The following SKAP2 variants were observed in gnomAD, a reference collection of about 807,000 sequenced individuals.
The protein encoded by SKAP2 is src kinase associated phosphoprotein 2.
SKAP2 carries 28 observed loss-of-function variants against 54.9 expected under a neutral mutation model. The ratio of observed to expected loss-of-function variants is 0.51; its 90% CI spans 0.38 to 0.70. The LOEUF (loss-of-function observed/expected upper bound fraction) is 0.70, where lower values mean the gene tolerates loss of function less well. SKAP2 is among the 30% of genes least tolerant of loss of function. The pLI is 0.00. For synonymous variants in SKAP2, 137 were observed against 134.3 expected (o/e 1.02, Z -0.14); for missense variants, 356 against 424.1 (o/e 0.84, Z 1.41).
At chr7:26,664,629 T>C (rs184738390), downstream of SKAP2, among the ~76,000 whole-genome samples, 1 of 151,910 alleles carries the variant, frequency 6.6e-6, no homozygotes, top group Non-Finnish European at 1.5e-5. Context: ...AGGAGTGATA[T>C]TTTTATATTA....
chr7:26,802,956 A>G (rs1045571906), intron 4 of SKAP2, among the ~76,000 whole-genome samples: 1 of 152,170 alleles, frequency 6.6e-6, no homozygotes, highest in Admixed American at 6.5e-5. Flanking sequence ...CTCACCATAT[A>G]CAAAAATCAA....
At chr7:26,773,567 A>G (rs929109609) in intron 4 of SKAP2, among the ~76,000 whole-genome samples, 1 of 152,216 alleles carries the variant, frequency 6.6e-6, no homozygotes, top group African/African-American at 2.4e-5. Flanking sequence ...TTCTTCTCCA[A>G]CTAAACCTCC....
intron 4 of SKAP2, among the ~76,000 whole-genome samples, chr7:26,770,427 G>A (rs1783164014): frequency 6.6e-6 from 1 of 152,106 alleles, no homozygotes; most frequent in Non-Finnish European, 1.5e-5. Context: ...AGACTACTTG[G>A]CTCCCTGGCT....
intron 4 of SKAP2, among the ~76,000 whole-genome samples, chr7:26,743,390 A>T (rs1317652136): frequency 6.6e-6 from 1 of 152,190 alleles, no homozygotes; most frequent in African/African-American, 2.4e-5. Flanking sequence ...TCAGAAATGA[A>T]ATACAGGAAA....
intron 6 of SKAP2, 74 bp downstream of exon 6, chr7:26,738,721 A>T: frequency 1.3e-6 from 1 of 780,708 alleles, no homozygotes; most frequent in Non-Finnish European, 2.3e-6. Context: ...TTTACTCTGT[A>T]CTCAAAAGAG....
At chr7:26,824,748 T>C (rs1037739136) in intron 4 of SKAP2, among the ~76,000 whole-genome samples, 4 of 152,192 alleles carry the variant, frequency 2.6e-5, no homozygotes, top group Non-Finnish European at 5.9e-5. Flanking sequence ...AGACAATATG[T>C]AAACAAATAC....
At chr7:26,713,884 C>G (rs993014484) in intron 9 of SKAP2, among the ~76,000 whole-genome samples, 1 of 152,164 alleles carries the variant, frequency 6.6e-6, no homozygotes, top group Non-Finnish European at 1.5e-5. Context: ...CAGGCATGAG[C>G]CATCGCGCCC....
intron 4 of SKAP2, among the ~76,000 whole-genome samples, chr7:26,809,752 G>A (rs952757142): frequency 1.3e-5 from 2 of 152,118 alleles, no homozygotes; most frequent in Non-Finnish European, 2.9e-5. Flanking sequence ...TCCCACTTCT[G>A]GGAATATATC....
intron 9 of SKAP2, among the ~76,000 whole-genome samples, chr7:26,696,594 C>T (rs1786899970): frequency 1.3e-5 from 2 of 152,138 alleles, no homozygotes; most frequent in South Asian, 4.1e-4. Context: ...ATTAATTAAG[C>T]AACCAGAAAG....
chr7:26,703,054 T>C (rs1402999147), intron 9 of SKAP2, among the ~76,000 whole-genome samples: 2 of 152,234 alleles, frequency 1.3e-5, no homozygotes, highest in East Asian at 1.9e-4. Flanking sequence ...GGTGCATTTC[T>C]AACAAGTTTC....
intron 4 of SKAP2, among the ~76,000 whole-genome samples, chr7:26,810,592 C>T (rs1342680838): frequency 6.6e-6 from 1 of 152,134 alleles, no homozygotes; most frequent in Non-Finnish European, 1.5e-5. Context: ...CATGAGGTAA[C>T]ACTTGAGCTA....
intron 4 of SKAP2, among the ~76,000 whole-genome samples, chr7:26,832,430 A>G (rs535250888): frequency 7.0e-4 from 107 of 152,328 alleles, no homozygotes; most frequent in African/African-American, 2.5e-3. Context: ...AAAAAGTTTT[A>G]GGATACAGCA....
At chr7:26,756,232 G>T (rs10232327) in intron 4 of SKAP2, among the ~76,000 whole-genome samples, 7,361 of 152,138 alleles carry the variant, frequency 0.048, 602 homozygotes, top group African/African-American at 0.17. Context: ...CAACGTGCAG[G>T]TTTGTTACAT....
In SKAP2 at chr7:26,864,401, G is replaced by C; in HGVS notation, c.29C>G (p.Pro10Arg). 1 of 1,612,382 alleles carries C rather than the reference G, an allele frequency of 6.2e-7. No homozygotes were observed. Among genetic ancestry groups the C allele is most frequent in the African/African-American group, 1.3e-5 (1 of 74,898 alleles). The change falls in exon 1 of 13, where the codon CCC becomes CGC. Residue 10 changes from proline to arginine, a missense_variant. Physicochemically the swap from Pro to Arg is moderately radical, Grantham distance 103 (BLOSUM62 -2). Transcript: ENST00000345317. Reference protein sequence around the residue: MPNPSSTSSPYPLPEEIRNL... With the variant: MPNPSSTSSRYPLPEEIRNL... ...CCTAATTTCCTCAGGGAGGGGGTAG[G>C]GAGAGGAGGTGCTGCTGGGGTTGGG...
chr7:26,686,271 T>C (rs1388839267), intron 10 of SKAP2, among the ~76,000 whole-genome samples: 1 of 152,068 alleles, frequency 6.6e-6, no homozygotes, highest in Non-Finnish European at 1.5e-5. Flanking sequence ...TACAACCTAG[T>C]AAAATCCCTC....
intron 4 of SKAP2, among the ~76,000 whole-genome samples, chr7:26,836,406 A>T (rs1784713023): frequency 6.6e-6 from 1 of 152,222 alleles, no homozygotes; most frequent in Admixed American, 6.5e-5. Flanking sequence ...GTGAACAGGC[A>T]ACCTACAGAA....
intron 4 of SKAP2, among the ~76,000 whole-genome samples, chr7:26,805,166 G>A (rs1350680462): frequency 6.6e-6 from 1 of 152,042 alleles, no homozygotes; most frequent in Non-Finnish European, 1.5e-5. Flanking sequence ...ACCAGCCTGG[G>A]CAACATAGTG....
At chr7:26,761,054 A>C (rs962838540) in intron 4 of SKAP2, among the ~76,000 whole-genome samples, 1 of 152,214 alleles carries the variant, frequency 6.6e-6, no homozygotes, top group Admixed American at 6.5e-5. Flanking sequence ...TGTAGTAATG[A>C]AGGAATGAAA....
At chr7:26,756,508 C>G (rs1451629901) in intron 4 of SKAP2, among the ~76,000 whole-genome samples, 2 of 152,210 alleles carry the variant, frequency 1.3e-5, no homozygotes, top group African/African-American at 4.8e-5. Context: ...GACATGAACT[C>G]ATCCTTTTTT....
Sources: gnomAD v4.1 joint callset for allele counts (sites outside exome capture counted in the v4.1 genomes callset) on GRCh38, gnomAD v4.1.1 for gene constraint, MANE v1.5 for transcripts, NCBI Gene and HGNC (gene_info 2026-07-23, HGNC 2026-07-21) for gene names.